RPS6KA2: variants seen among roughly 807,000 people sequenced by gnomAD.
RPS6KA2 encodes the protein ribosomal protein S6 kinase alpha-2.
A neutral mutation model predicts 91.8 loss-of-function variants in RPS6KA2; 42 were observed. That is an observed-to-expected ratio of 0.46 (90% CI 0.36 to 0.59). RPS6KA2 has a LOEUF of 0.59. Ranked by LOEUF, RPS6KA2 falls within the 20% of genes least tolerant of loss-of-function variation. The pLI is 0.00. For missense variants in RPS6KA2, 798 were observed against 978.5 expected, an observed-to-expected ratio of 0.82 and a Z score of 2.46; for synonymous variants, 414 against 393.6, an observed-to-expected ratio of 1.05 and a Z score of -0.61.
intron 2 of RPS6KA2, among the ~76,000 whole-genome samples, chr6:166,797,618 T>C (rs1001245877): frequency 6.6e-6 from 1 of 152,034 alleles, no homozygotes; most frequent in African/African-American, 2.4e-5. Flanking sequence ...TGGATCCTCA[T>C]ACAGGTCTTC....
chr6:166,607,193 A>C (rs1785985436), intron 1 of RPS6KA2, among the ~76,000 whole-genome samples: 1 of 151,090 alleles, frequency 6.6e-6, no homozygotes, highest in African/African-American at 2.4e-5. Flanking sequence ...GGAATGTACA[A>C]TGTTGCAATC....
chr6:166,788,633 C>A (rs185010103), intron 2 of RPS6KA2, among the ~76,000 whole-genome samples: 2 of 152,114 alleles, frequency 1.3e-5, no homozygotes, highest in African/African-American at 2.4e-5. Flanking sequence ...GGGAGCTGAA[C>A]AATGAGACCA....
intron 12 of RPS6KA2, among the ~76,000 whole-genome samples, chr6:166,453,712 G>C (rs1193395421): frequency 6.6e-6 from 1 of 152,206 alleles, no homozygotes; most frequent in Non-Finnish European, 1.5e-5. Context: ...ATTGCCCAAA[G>C]GAAAAGAAAT....
chr6:166,498,673 C>T, intron 7 of RPS6KA2, 23 bp from the exon 8 acceptor site: 1 of 1,612,918 alleles, frequency 6.2e-7, no homozygotes, highest in East Asian at 2.2e-5. Flanking sequence ...ACAGCACACA[C>T]ACTGCCTCAG....
chr6:166,551,665 T>A lies in RPS6KA2; in HGVS notation c.100-12881A>T, dbSNP rs553420710. On this transcript the variant is annotated intron_variant, in intron 1 of 20. Coordinates refer to ENST00000265678, the MANE Select transcript of RPS6KA2 (RefSeq NM_021135.6). The stretch of plus-strand genomic sequence containing the variant: ...TTTTTAAACTAACCTAGTTATTGCA[T>A]TCTAAAAGATTATGAAGCATTTTGT... Among the ~76,000 whole-genome samples the A allele has an allele frequency of 1.8e-3, 269 of 152,302 alleles. 1 individual carries two copies. The highest frequency in any genetic ancestry group is 6.2e-3 in the African/African-American group (258 of 41,550).
intron 1 of RPS6KA2, among the ~76,000 whole-genome samples, chr6:166,576,553 A>T (rs1784841530): frequency 6.6e-6 from 1 of 152,240 alleles, no homozygotes; most frequent in Admixed American, 6.5e-5. Flanking sequence ...GAGACTGGGC[A>T]GCATTTTGCC....
chr6:166,859,930 C>T (rs546538061), intron 1 of RPS6KA2, among the ~76,000 whole-genome samples: 1 of 152,314 alleles, frequency 6.6e-6, no homozygotes, highest in Non-Finnish European at 1.5e-5. Context: ...AGCAGATTTT[C>T]CGATGAGAAA....
At chr6:166,738,019 GTATTCATTTT>G (rs1287053553) in intron 2 of RPS6KA2, among the ~76,000 whole-genome samples, 1 of 152,086 alleles carries the variant, frequency 6.6e-6, no homozygotes, top group African/African-American at 2.4e-5. Context: ...ATACCATATT[GTATTCATTTT>G]TAAATTAAAG....
intron 6 of RPS6KA2, among the ~76,000 whole-genome samples, chr6:166,503,167 G>A: frequency 6.6e-6 from 1 of 152,232 alleles, no homozygotes; most frequent in East Asian, 1.9e-4. Flanking sequence ...GGCTCAAAAA[G>A]TTTTGGATTT....
At position 166,662,527 on chromosome 6, in the gene RPS6KA2, T is replaced by A. The variant is rs1397431091; in HGVS notation, c.124-123743A>T. Among the ~76,000 whole-genome samples the A allele has an allele frequency of 1.3e-5, 2 of 152,196 alleles. No homozygotes were observed. ...GTTTGGAAAGAGTCTCTTAGCATTA[T>A]GAGGGTTATTTATGTTATGAACACC... is the stretch of plus-strand genomic sequence containing the variant. On this transcript the variant is annotated intron_variant, in intron 2 of 21. Coordinates refer to the RPS6KA2 transcript ENST00000503859. This position sits in a 1 kb window ranked among gnomAD's most constrained non-coding sequence, Gnocchi z 4.3.
chr6:166,540,532 G>A (rs1783621647), intron 1 of RPS6KA2, among the ~76,000 whole-genome samples: 2 of 152,224 alleles, frequency 1.3e-5, no homozygotes, highest in Non-Finnish European at 2.9e-5. Flanking sequence ...TATGAGTGCA[G>A]TTGGAAGATA....
rs368497241 is a variant in RPS6KA2 at position 166,461,624 on chromosome 6, C to T, written c.973-2073G>A. 3.2e-4 allele frequency among the ~76,000 whole-genome samples: 47 copies of T among 148,558 alleles called. 1 individual carries two copies. The East Asian group carries it at 4.7e-3, about 15-fold the overall frequency. On this transcript the variant is annotated intron_variant, in intron 11 of 20. Coordinates refer to ENST00000265678, the MANE Select transcript of RPS6KA2 (RefSeq NM_021135.6). The stretch of plus-strand genomic sequence containing the variant: ...AAGGGGGTAAGAAAGAGAGAGAGCA[C>T]GCACTAGCTCGATCCAGCACAGAGC...
chr6:166,842,867 C>T (rs1780520212), intron 2 of RPS6KA2, among the ~76,000 whole-genome samples: 1 of 152,194 alleles, frequency 6.6e-6, no homozygotes, highest in African/African-American at 2.4e-5. Context: ...AGAACTACCA[C>T]AGCAACATAC....
intron 1 of RPS6KA2, among the ~76,000 whole-genome samples, chr6:166,600,160 C>T (rs955294724): frequency 6.6e-6 from 1 of 152,122 alleles, no homozygotes; most frequent in East Asian, 1.9e-4. Flanking sequence ...ATAGGTGCAC[C>T]ACCACGCCTG....
At chr6:166,855,345 G>A (rs1236666618) in intron 2 of RPS6KA2, among the ~76,000 whole-genome samples, 3 of 22,300 alleles carry the variant, frequency 1.3e-4, no homozygotes, top group Non-Finnish European at 4.6e-3. Flanking sequence ...CGAAGAAGAC[G>A]AAGAAGACAA....
At chr6:166,489,907 C>T (rs973899280) in intron 9 of RPS6KA2, among the ~76,000 whole-genome samples, 4 of 152,022 alleles carry the variant, frequency 2.6e-5, no homozygotes, top group African/African-American at 7.2e-5. Flanking sequence ...TGAGGACAAA[C>T]AGCTTTATGA....
intron 10 of RPS6KA2, among the ~76,000 whole-genome samples, chr6:166,480,073 A>G (rs977163050): frequency 1.3e-5 from 2 of 152,024 alleles, no homozygotes; most frequent in Admixed American, 1.3e-4. Flanking sequence ...TGAAGGATAT[A>G]TTATTTGAGG....
chr6:166,848,303 G>T (rs1780656594), intron 2 of RPS6KA2, among the ~76,000 whole-genome samples: 1 of 152,234 alleles, frequency 6.6e-6, no homozygotes, highest in African/African-American at 2.4e-5. Context: ...CTTTTACACT[G>T]TTGGTGGAAA....
At chr6:166,802,551 C>T (rs1779392868) in intron 2 of RPS6KA2, among the ~76,000 whole-genome samples, 2 of 152,178 alleles carry the variant, frequency 1.3e-5, no homozygotes, top group South Asian at 2.1e-4. Context: ...GTCTGCCAGA[C>T]ACTAACGGGA....
Sources: allele counts gnomAD v4.1 joint callset (sites outside exome capture counted in the v4.1 genomes callset), GRCh38; gene constraint gnomAD v4.1.1; non-coding constraint Gnocchi (gnomAD v3.1); transcripts MANE v1.5; gene names NCBI Gene and HGNC (gene_info 2026-07-23, HGNC 2026-07-21).